GNG7: variants seen among roughly 807,000 people sequenced by gnomAD.
GNG7 encodes G protein subunit gamma 7.
Under a neutral mutation model 4.0 loss-of-function variants are expected in GNG7, and 1 was observed. That is an observed-to-expected ratio of 0.25 (90% CI 0.09 to 1.18). The LOEUF is 1.18. GNG7 is among the 50% of genes most tolerant of loss of function. GNG7 has a pLI of 0.50. For missense variants in GNG7, 86 were observed against 91.9 expected (o/e 0.94, Z 0.26); for synonymous variants, 34 against 36.9 (o/e 0.92, Z 0.29).
chr19:2,686,570 C>A (rs1568285022), intron 1 of GNG7, among the ~76,000 whole-genome samples: 8 of 152,096 alleles, frequency 5.3e-5, no homozygotes. Context: ...ATCCCCGCAA[C>A]ACATTCGGGA....
In GNG7 at chr19:2,614,608, C is replaced by T. The variant is rs556489242; in HGVS notation, c.-78+31616G>A. 6.9e-4 allele frequency among the ~76,000 whole-genome samples: 105 copies of T among 152,302 alleles called. No homozygotes were observed. Among genetic ancestry groups the T allele is most frequent in the African/African-American group, 2.4e-3 (100 of 41,564 alleles). ...ATCCTCAAGGGGCATCCAGGCTGCA[C>T]GTGGCCTGGGTCAGAGTCTCGTTCA... On this transcript the variant is annotated intron_variant, in intron 2 of 4. Coordinates refer to ENST00000382159, the MANE Select transcript of GNG7 (RefSeq NM_052847.3). The surrounding 1 kb of genome is among the most constrained non-coding windows in gnomAD (Gnocchi z 6.0).
intron 1 of GNG7, among the ~76,000 whole-genome samples, chr19:2,663,590 C>T (rs1161391404): frequency 1.3e-5 from 2 of 152,156 alleles, no homozygotes; most frequent in Non-Finnish European, 2.9e-5. Context: ...TTCCTAAAAG[C>T]CAGCAATTGG....
At chr19:2,631,578 A>G (rs1982159825) in intron 2 of GNG7, among the ~76,000 whole-genome samples, 1 of 152,170 alleles carries the variant, frequency 6.6e-6, no homozygotes, top group Non-Finnish European at 1.5e-5. Context: ...AGGGACCTGC[A>G]GTATGTCTGT....
chr19:2,545,169 G>C (rs1232921471), intron 3 of GNG7, among the ~76,000 whole-genome samples: 1 of 151,138 alleles, frequency 6.6e-6, no homozygotes, highest in Non-Finnish European at 1.5e-5. Context: ...TCCCCCAGGG[G>C]ACCCTGGGCG....
chr19:2,623,209 A>C (rs946585052), intron 2 of GNG7, among the ~76,000 whole-genome samples: 17 of 152,172 alleles, frequency 1.1e-4, no homozygotes, highest in African/African-American at 4.1e-4. Context: ...AGTCCCAGCT[A>C]CTTTGGAGGC....
intron 2 of GNG7, among the ~76,000 whole-genome samples, chr19:2,588,557 G>A (rs1418794862): frequency 6.6e-6 from 1 of 152,194 alleles, no homozygotes; most frequent in East Asian, 1.9e-4. Flanking sequence ...GCTGGACGCG[G>A]GCCCCGTGGA....
intron 2 of GNG7, among the ~76,000 whole-genome samples, chr19:2,568,194 C>G (rs1208267131): frequency 6.7e-6 from 1 of 150,024 alleles, no homozygotes; most frequent in Non-Finnish European, 1.5e-5. Context: ...TGCACATACA[C>G]ACACATATAG....
intron 1 of GNG7, among the ~76,000 whole-genome samples, chr19:2,667,609 CT>C (rs986656876): frequency 2.6e-5 from 4 of 152,026 alleles, no homozygotes; most frequent in African/African-American, 9.7e-5. Context: ...GAGACCCCAT[CT>C]CTACAAAAAT....
At chr19:2,676,808 G>C (rs200154403) in intron 1 of GNG7, among the ~76,000 whole-genome samples, 2 of 146,250 alleles carry the variant, frequency 1.4e-5, no homozygotes, top group Non-Finnish European at 3.0e-5. Context: ...GGAGGAGTTG[G>C]GTGTAATTTT....
chr19:2,538,575 G>T, intron 3 of GNG7: 1 of 371,888 alleles, frequency 2.7e-6, no homozygotes, highest in Non-Finnish European at 5.2e-6. Context: ...AAGCTGAAGT[G>T]AGCTATGATT....
Position 2,653,988 on chromosome 19 carries a change from G to A in GNG7, c.-134-7708C>T, listed in dbSNP as rs1183174162. Among the ~76,000 whole-genome samples, 10 of 152,170 alleles carry A rather than the reference G, an allele frequency of 6.6e-5. No homozygotes were observed. The highest frequency in any genetic ancestry group is 1.9e-4 in the East Asian group (1 of 5,172). ...TGCCCAGCACCCTGGGCCCCCCACC[G>A]CCGGGTCTGGGACACAGATGCTCTC... On this transcript the variant is annotated intron_variant, in intron 1 of 4. Coordinates refer to ENST00000382159, the MANE Select transcript of GNG7 (RefSeq NM_052847.3). The surrounding 1 kb of genome is among the most constrained non-coding windows in gnomAD (Gnocchi z 4.8).
At chr19:2,639,999 A>G (rs1599435786) in intron 2 of GNG7, among the ~76,000 whole-genome samples, 1 of 49,402 alleles carries the variant, frequency 2.0e-5, no homozygotes, top group South Asian at 1.4e-3. Flanking sequence ...AAGAAAGAAG[A>G]GAGGGAGGGA....
At chr19:2,598,876 TA>T (rs111411914) in intron 2 of GNG7, among the ~76,000 whole-genome samples, 14,113 of 151,960 alleles carry the variant, frequency 0.093, 2,201 homozygotes, top group African/African-American at 0.32. Flanking sequence ...CTGACTTCTG[TA>T]ATCACGTTTT....
At chr19:2,623,981 T>C (rs1981947201) in intron 2 of GNG7, among the ~76,000 whole-genome samples, 1 of 152,090 alleles carries the variant, frequency 6.6e-6, no homozygotes, top group Non-Finnish European at 1.5e-5. Context: ...TTGAGTTGCT[T>C]CCACCTTTTG....
chr19:2,557,439 T>G lies in GNG7; in HGVS notation c.-77-2251A>C, dbSNP rs1599389705. On this transcript the variant is annotated intron_variant, in intron 2 of 4. Transcript: ENST00000382159. This position sits in a 1 kb window ranked among gnomAD's most constrained non-coding sequence, Gnocchi z 5.1. ...TGCATCTGAAGCAAGGTCCTGCTAG[T>G]AAACATGCACAGACTCAAGAAACGA... is the stretch of plus-strand genomic sequence containing the variant. Among the ~76,000 whole-genome samples the G allele has an allele frequency of 6.6e-6, 1 of 152,160 alleles. No homozygotes were observed. Among genetic ancestry groups the G allele is most frequent in the Non-Finnish European group, 1.5e-5 (1 of 68,028 alleles).
chr19:2,680,144 CTTT>C (rs775146336), intron 1 of GNG7, among the ~76,000 whole-genome samples: 3 of 119,000 alleles, frequency 2.5e-5, no homozygotes, highest in African/African-American at 3.5e-5. Flanking sequence ...GACCTTGTCT[CTTT>C]TTTTTTTTTT....
intron 1 of GNG7, among the ~76,000 whole-genome samples, chr19:2,699,393 C>T (rs967274732): frequency 2.0e-5 from 3 of 152,166 alleles, no homozygotes; most frequent in African/African-American, 4.8e-5. Context: ...AAGTGATCCA[C>T]CCACTTCGGC....
intron 2 of GNG7, among the ~76,000 whole-genome samples, chr19:2,562,134 C>G (rs2144770259): frequency 6.6e-6 from 1 of 152,294 alleles, no homozygotes; most frequent in South Asian, 2.1e-4. Context: ...CCTCCACCCA[C>G]TCAGGGGTTT....
intron 2 of GNG7, among the ~76,000 whole-genome samples, chr19:2,615,356 G>A (rs58209201): frequency 1.4e-4 from 21 of 151,670 alleles, no homozygotes; most frequent in South Asian, 4.2e-4. Flanking sequence ...TGCAGGGGTC[G>A]GCAAGGATGT....
Sources: allele counts gnomAD v4.1 joint callset (sites outside exome capture counted in the v4.1 genomes callset), GRCh38; gene constraint gnomAD v4.1.1; non-coding constraint Gnocchi (gnomAD v3.1); transcripts MANE v1.5; gene names NCBI Gene and HGNC (gene_info 2026-07-23, HGNC 2026-07-21).